Variants in MAP3K10 observed in about 807,000 individuals in gnomAD.
MAP3K10 encodes the protein mitogen-activated protein kinase kinase kinase 10, also known as MKN28 derived nonreceptor_type serine/threonine kinase.
Under a neutral mutation model 75.0 loss-of-function variants are expected in MAP3K10, and 22 were observed. The ratio of observed to expected loss-of-function variants is 0.29; its 90% CI spans 0.21 to 0.42. The LOEUF is 0.42. Among genes scored for constraint, MAP3K10 ranks in the 10% least tolerant of loss-of-function variants. MAP3K10 has a pLI of 1.00. For missense variants in MAP3K10, 1,165 were observed against 1,379.8 expected (o/e 0.84, Z 2.47); for synonymous variants, 599 against 612.9 (o/e 0.98, Z 0.34).
At chr19:40,197,264 T>G (rs1375168373) in intron 1 of MAP3K10, among the ~76,000 whole-genome samples, 1 of 152,202 alleles carries the variant, frequency 6.6e-6, no homozygotes, top group South Asian at 2.1e-4. Flanking sequence ...CCTGTCATTC[T>G]TAGCCAAAGC....
chr19:40,200,704 C>T (rs1374804118), intron 2 of MAP3K10, among the ~76,000 whole-genome samples: 1 of 150,760 alleles, frequency 6.6e-6, no homozygotes, highest in Non-Finnish European at 1.5e-5. Context: ...CTGCACCCTC[C>T]TCCTCCCAGA....
At chr19:40,211,317 C>CT (rs57347451) in intron 6 of MAP3K10, among the ~76,000 whole-genome samples, 1,474 of 133,180 alleles carry the variant, frequency 0.011, 26 homozygotes, top group African/African-American at 0.038. Context: ...ATTTTCCTTT[C>CT]TTTTTTTTTT....
Position 40,191,499 on chromosome 19 carries a change from C to T in MAP3K10, c.-533C>T, listed in dbSNP as rs1568485016. ...CAGGGGCTGGGGCCGACCGGGAGGCCGGTGCCAAGGATGGGGGCCGCCCGG... is the reference window on the plus strand; with the variant it reads ...CAGGGGCTGGGGCCGACCGGGAGGCTGGTGCCAAGGATGGGGGCCGCCCGG... On this transcript the variant is annotated 5_prime_UTR_variant, in exon 1 of 10. Transcript: ENST00000253055. Among the ~76,000 whole-genome samples the T allele has an allele frequency of 1.3e-5, 2 of 150,768 alleles. No homozygotes were observed. Among genetic ancestry groups the T allele is most frequent in the Admixed American group, 6.6e-5 (1 of 15,142 alleles).
At chr19:40,195,471 C>CTTTTT (rs61289931) in intron 1 of MAP3K10, among the ~76,000 whole-genome samples, 1,093 of 48,624 alleles carry the variant, frequency 0.022, 389 homozygotes, top group Admixed American at 0.036. Flanking sequence ...CCCGCCCGGC[C>CTTTTT]TTTTTTTTTT....
In MAP3K10 at chr19:40,192,403, C is replaced by T; in HGVS notation, c.372C>T (p.Val124=). Residue 124 remains valine (V), a synonymous_variant, in exon 1 of 10, where the codon GTC becomes GTT. Transcript: ENST00000253055. This position sits in a 1 kb window ranked among gnomAD's most constrained non-coding sequence, Gnocchi z 7.1. ...TGTGGCGTGGCGAGGAGGTGGCAGT[C>T]AAGGCCGCCCGGCTGGACCCTGAGA... is the stretch of plus-strand genomic sequence containing the variant. ...RALWRGEEVA[V]KAARLDPEKD... 6.2e-7 allele frequency: 1 copy of T among 1,613,932 alleles called. No individual in the cohort carries two copies. Among genetic ancestry groups the T allele is most frequent in the Non-Finnish European group, 8.5e-7 (1 of 1,179,950 alleles).
Position 40,214,035 on chromosome 19 carries a change from A to G in MAP3K10, c.2356A>G (p.Thr786Ala). 1 of 1,011,186 alleles carries G rather than the reference A, an allele frequency of 9.9e-7. No individual in the cohort carries two copies. Among genetic ancestry groups the G allele is most frequent in the Non-Finnish European group, 1.2e-6 (1 of 803,194 alleles). 62.6% of individuals were successfully genotyped at this position (1,011,186 alleles called of 1,614,324 possible). A position where few individuals can be genotyped will look rare whatever the true frequency, so the allele number is the denominator to read the frequency against. ...PPPSPPAPTP[T>A]PSPSTNPLVD... is the part of the protein sequence containing the mutation. ...ACCCTCCCCGCCCGCGCCCACACCCACGCCCTCGCCCAGCACCAACCCCCT... is the reference window on the plus strand; with the variant it reads ...ACCCTCCCCGCCCGCGCCCACACCCGCGCCCTCGCCCAGCACCAACCCCCT... Residue 786 changes from threonine (T) to alanine (A), a missense_variant, in exon 9 of 10, where the codon ACG becomes GCG. Around this residue, in one of 2 missense-constraint regions of MAP3K10, gnomAD observed 590 missense variants for 586.6 expected, o/e 1.01. Coordinates refer to ENST00000253055, the MANE Select transcript of MAP3K10 (RefSeq NM_002446.4).
rs1972954803 is a variant in MAP3K10 at position 40,198,445 on chromosome 19, C to T, written c.753C>T (p.Leu251=). Residue 251 remains leucine, a synonymous_variant, in exon 2 of 10, where the codon CTC becomes CTT. Coordinates refer to ENST00000253055, the MANE Select transcript of MAP3K10 (RefSeq NM_002446.4). The surrounding 1 kb of genome is among the most constrained non-coding windows in gnomAD (Gnocchi z 4.3). ...TGCTCAAGATCACGGACTTCGGCCT[C>T]GCCCGCGAGTGGCACAAGACCACCA... is the stretch of plus-strand genomic sequence containing the variant. The part of the protein sequence containing the change: ...DTVLKITDFG[L]AREWHKTTKM... 15 of 1,614,202 alleles carry T rather than the reference C, an allele frequency of 9.3e-6. No individual in the cohort carries two copies. Among genetic ancestry groups the T allele is most frequent in the Middle Eastern group, 3.3e-4 (2 of 6,062 alleles).
Position 40,191,918 on chromosome 19 carries a change from G to A in MAP3K10, c.-114G>A. On this transcript the variant is annotated 5_prime_UTR_variant, in exon 1 of 10. Coordinates refer to ENST00000253055, the MANE Select transcript of MAP3K10 (RefSeq NM_002446.4). ...AGGGCGCCCCAGCCATGGCCCTCAG[G>A]AGCTCCCTAGACCCCGCAGGGACTG... 1.7e-6 allele frequency: 1 copy of A among 601,646 alleles called. No individual in the cohort carries two copies. Among genetic ancestry groups the A allele is most frequent in the East Asian group, 3.4e-5 (1 of 29,462 alleles). The allele number at this position is 601,646 out of a possible 1,614,324, so 37.3% of individuals were successfully genotyped here.
rs1162421359 is a variant in MAP3K10 at position 40,213,821 on chromosome 19, C to A, written c.2142C>A (p.Ala714=). 7.7e-7 allele frequency: 1 copy of A among 1,306,924 alleles called. No homozygotes were observed. The highest frequency in any genetic ancestry group is 9.7e-7 in the Non-Finnish European group (1 of 1,025,938). 81.0% of individuals were successfully genotyped at this position (1,306,924 alleles called of 1,614,324 possible). ...RWLDGLFFPR[A]GRFPRGLSPP... ...TCGACGGCCTCTTCTTTCCCCGCGC[C>A]GGCCGCTTCCCGCGGGGCCTCAGCC... The change falls in exon 9 of 10, where the codon GCC becomes GCA. Residue 714 remains alanine, a synonymous_variant. Coordinates refer to ENST00000253055, the MANE Select transcript of MAP3K10 (RefSeq NM_002446.4). This position sits in a 1 kb window ranked among gnomAD's most constrained non-coding sequence, Gnocchi z 5.7.
chr19:40,200,359 G>C (rs1217033189), intron 2 of MAP3K10, among the ~76,000 whole-genome samples: 1 of 152,144 alleles, frequency 6.6e-6, no homozygotes, highest in Non-Finnish European at 1.5e-5. Context: ...GTCTGTTGCT[G>C]TCACCAGTGA....
intron 2 of MAP3K10, among the ~76,000 whole-genome samples, chr19:40,199,244 T>G (rs1419554759): frequency 6.6e-6 from 1 of 152,042 alleles, no homozygotes; most frequent in East Asian, 1.9e-4. Context: ...AGAAGAAAAA[T>G]ACATGCAATC....
At chr19:40,200,612 C>T (rs1243195571) in intron 2 of MAP3K10, among the ~76,000 whole-genome samples, 1 of 79,974 alleles carries the variant, frequency 1.3e-5, no homozygotes, top group Admixed American at 1.7e-4. Flanking sequence ...TTTGTGCTAC[C>T]TTTTTTTTTT....
At chr19:40,207,650 G>A (rs963738855) in intron 5 of MAP3K10, among the ~76,000 whole-genome samples, 8 of 152,004 alleles carry the variant, frequency 5.3e-5, no homozygotes, top group African/African-American at 1.7e-4. Flanking sequence ...CAGGAGAATC[G>A]CTTGAACCTG....
chr19:40,199,534 TG>T lies in MAP3K10; in HGVS notation c.863+981del, dbSNP rs530996277. Among the ~76,000 whole-genome samples, 33 of 152,250 alleles carry T rather than the reference TG, an allele frequency of 2.2e-4. No homozygotes were observed. The South Asian group carries it at 6.8e-3, about 32-fold the overall frequency. Reference sequence around the variant, plus strand: ...GAAGAAGGAGGTGCTGAGGTGAGCATGGTGTGTCCCAGAAACAGCAAAGAGG... The same window carrying T: ...GAAGAAGGAGGTGCTGAGGTGAGCATGTGTGTCCCAGAAACAGCAAAGAGG... On this transcript the variant is annotated intron_variant, in intron 2 of 9. Transcript: ENST00000253055.
In MAP3K10 at chr19:40,206,097, T is replaced by C; in HGVS notation, c.1375T>C (p.Phe459Leu). The stretch of plus-strand genomic sequence containing the variant: ...CCGGGTCCGCAAGCGCAAGGGCAAC[T>C]TCAAGCGCAGCCGCCTGCTCAAGCT... ...KPRVRKRKGNFKRSRLLKLRE... is the reference protein window; with the variant it reads ...KPRVRKRKGNLKRSRLLKLRE... Residue 459 changes from phenylalanine to leucine, a missense_variant, in exon 5 of 10, where the codon TTC becomes CTC. Around this residue, in one of 2 missense-constraint regions of MAP3K10, gnomAD observed 575 missense variants for 793.2 expected, o/e 0.72. Transcript: ENST00000253055. 6.2e-7 allele frequency: 1 copy of C among 1,613,146 alleles called. No homozygotes were observed. Among genetic ancestry groups the C allele is most frequent in the Non-Finnish European group, 8.5e-7 (1 of 1,179,636 alleles).
intron 2 of MAP3K10, among the ~76,000 whole-genome samples, chr19:40,203,589 C>T (rs1356967954): frequency 1.3e-5 from 2 of 152,236 alleles, no homozygotes; most frequent in Non-Finnish European, 2.9e-5. Context: ...GCTGTGTGAC[C>T]TTGGGCAAGC....
chr19:40,205,903 C>T lies in MAP3K10; in HGVS notation c.1189-8C>T, dbSNP rs568902554. On this transcript the variant is annotated splice_polypyrimidine_tract_variant and splice_region_variant and intron_variant, in intron 4 of 9. Coordinates refer to ENST00000253055, the MANE Select transcript of MAP3K10 (RefSeq NM_002446.4). The surrounding 1 kb of genome is among the most constrained non-coding windows in gnomAD (Gnocchi z 4.3). ...CCCCTCCCCCCAGCCACCGCCTCTC[C>T]TTCCCAGGAGCTTCGGAGCCGTGAG... 2 of 1,537,510 alleles carry T rather than the reference C, an allele frequency of 1.3e-6. No individual in the cohort carries two copies. Among genetic ancestry groups the T allele is most frequent in the Admixed American group, 4.0e-5 (2 of 49,650 alleles).
At position 40,214,207 on chromosome 19, in the gene MAP3K10, C is replaced by T. The variant is rs1477020332; in HGVS notation, c.2528C>T (p.Ala843Val). Reference sequence around the variant, plus strand: ...GGGCAGCGGGGGCCGCCCGAGCCCGCGGGCCATGGCCCTGGTGAGTGAGGC... The same window carrying T: ...GGGCAGCGGGGGCCGCCCGAGCCCGTGGGCCATGGCCCTGGTGAGTGAGGC... ...ALGQRGPPEP[A>V]GHGPGPRDLL... is the part of the protein sequence containing the mutation. The change falls in exon 9 of 10, where the codon GCG (alanine) becomes GTG (valine). Residue 843 changes from alanine to valine, a missense_variant. Physicochemically the swap from Ala to Val is moderately conservative, Grantham distance 64. Coordinates refer to ENST00000253055, the MANE Select transcript of MAP3K10 (RefSeq NM_002446.4). 2 of 1,423,456 alleles carry T rather than the reference C, an allele frequency of 1.4e-6. No individual in the cohort carries two copies. Among genetic ancestry groups the T allele is most frequent in the Admixed American group, 3.1e-5 (1 of 31,970 alleles). The allele number at this position is 1,423,456 out of a possible 1,614,324, so 88.2% of individuals were successfully genotyped here.
Position 40,212,007 on chromosome 19 carries a change from G to A in MAP3K10, c.1553-798G>A, listed in dbSNP as rs1973248837. 6.6e-6 allele frequency among the ~76,000 whole-genome samples: 1 copy of A among 152,234 alleles called. No individual in the cohort carries two copies. Among genetic ancestry groups the A allele is most frequent in the Admixed American group, 6.5e-5 (1 of 15,284 alleles). The stretch of plus-strand genomic sequence containing the variant: ...CCCAAAGTGCTGGGATTCCAGGCAA[G>A]AGCCACCGCACCTGGCCTGGTATGG... On this transcript the variant is annotated intron_variant, in intron 6 of 9. Transcript: ENST00000253055. This position sits in a 1 kb window ranked among gnomAD's most constrained non-coding sequence, Gnocchi z 4.2.
Sources: allele counts gnomAD v4.1 joint callset (sites outside exome capture counted in the v4.1 genomes callset), GRCh38; gene constraint gnomAD v4.1.1; regional missense constraint gnomAD v4.1.1; non-coding constraint Gnocchi (gnomAD v3.1); transcripts MANE v1.5; gene names NCBI Gene and HGNC (gene_info 2026-07-23, HGNC 2026-07-21).